The following DNAH6 variants were observed in gnomAD, a reference collection of about 807,000 sequenced individuals.
DNAH6 encodes dynein axonemal heavy chain 6.
A neutral mutation model predicts 491.4 loss-of-function variants in DNAH6; 340 were observed. That is an observed-to-expected ratio of 0.69 (90% confidence interval 0.63 to 0.76). The LOEUF is 0.76. Among genes scored for constraint, DNAH6 ranks in the 30% least tolerant of loss-of-function variants. The pLI, the probability that DNAH6 is intolerant of heterozygous loss-of-function variation, is 0.00. For missense variants in DNAH6, 4,443 were observed against 4,972.2 expected (o/e 0.89, Z 3.20); for synonymous variants, 1,603 against 1,686.1 (o/e 0.95, Z 1.21).
Position 84,686,331 on chromosome 2 carries a change from C to T in DNAH6, c.7064-153C>T, listed in dbSNP as rs17025477. On this transcript the variant is annotated intron_variant, in intron 43 of 76. Transcript: ENST00000389394. Reference sequence around the variant, plus strand: ...TGGGAGATTATCAGCTAAACTAAAGCGGCATGGAGTTAACACAGTATTCTC... The same window carrying T: ...TGGGAGATTATCAGCTAAACTAAAGTGGCATGGAGTTAACACAGTATTCTC... Among the ~76,000 whole-genome samples the T allele has an allele frequency of 0.03, 4,528 of 152,152 alleles. 92 individuals are homozygous for T. Among genetic ancestry groups the T allele is most frequent in the Middle Eastern group, 0.062 (18 of 292 alleles).
chr2:84,508,515 C>A, the DNAH6 span, among the ~76,000 whole-genome samples: 2 of 152,246 alleles, frequency 1.3e-5, no homozygotes, highest in South Asian at 4.1e-4. Context: ...TTTCAAAAAA[C>A]CAGCTCCAGG....
At chr2:84,553,345 CTTTCT>C (rs376241217) in intron 10 of DNAH6, among the ~76,000 whole-genome samples, 17,327 of 101,394 alleles carry the variant, frequency 0.17, 2,756 homozygotes, top group South Asian at 0.21. Context: ...ATACCTTTTC[CTTTCT>C]TTTCTTTTCT....
chr2:84,774,105 T>C (rs1043316665), intron 64 of DNAH6, among the ~76,000 whole-genome samples: 4 of 152,108 alleles, frequency 2.6e-5, no homozygotes, highest in Non-Finnish European at 5.9e-5. Flanking sequence ...TTGTTGCAAT[T>C]GCTTTGGAGG....
intron 33 of DNAH6, among the ~76,000 whole-genome samples, chr2:84,652,574 C>CT (rs964949052): frequency 1.3e-5 from 2 of 152,000 alleles, no homozygotes; most frequent in African/African-American, 2.4e-5. Context: ...TCACTGTCAA[C>CT]TTTTTTTACA....
chr2:84,573,374 G>C, intron 11 of DNAH6, 93 bp from the exon 12 acceptor site: 1 of 1,056,358 alleles, frequency 9.5e-7, no homozygotes, highest in Admixed American at 2.8e-5. Context: ...CATAGAGTTT[G>C]TGTGCTTGCT....
intron 22 of DNAH6, among the ~76,000 whole-genome samples, chr2:84,615,341 T>C (rs1686747690): frequency 6.6e-6 from 1 of 152,166 alleles, no homozygotes; most frequent in African/African-American, 2.4e-5. Flanking sequence ...ATCAGTTGGC[T>C]ATAAGTATTT....
At chr2:84,624,791 A>G (rs1687705787) in intron 28 of DNAH6, 111 bp from the exon 29 acceptor site, 5 of 1,283,220 alleles carry the variant, frequency 3.9e-6, no homozygotes, top group South Asian at 1.6e-5. Context: ...GTGTATTTCA[A>G]TTGCTATATT....
At chr2:84,507,573 G>A in the DNAH6 span, among the ~76,000 whole-genome samples, 8 of 152,022 alleles carry the variant, frequency 5.3e-5, no homozygotes, top group African/African-American at 1.9e-4. Context: ...TCTCCTGCCT[G>A]ATTGCCCTGG....
chr2:84,602,040 CTGA>C (rs1014134504), intron 18 of DNAH6, among the ~76,000 whole-genome samples: 6 of 152,010 alleles, frequency 3.9e-5, no homozygotes, highest in African/African-American at 1.4e-4. Flanking sequence ...ATTCTTTGTG[CTGA>C]TGTTATGTCT....
At chr2:84,535,401 G>C (rs1677590127) in intron 4 of DNAH6, among the ~76,000 whole-genome samples, 1 of 151,778 alleles carries the variant, frequency 6.6e-6, no homozygotes, top group African/African-American at 2.4e-5. Flanking sequence ...TATCTTATTT[G>C]TATAAAAATG....
intron 62 of DNAH6, among the ~76,000 whole-genome samples, chr2:84,736,610 C>A (rs1654323676): frequency 6.6e-6 from 1 of 151,984 alleles, no homozygotes; most frequent in African/African-American, 2.4e-5. Context: ...AATGGGATTG[C>A]ATTCTTTATT....
At chr2:84,604,215 T>A in intron 18 of DNAH6, 124 bp from the exon 19 acceptor site, 2 of 724,984 alleles carry the variant, frequency 2.8e-6, no homozygotes, top group East Asian at 2.7e-5. Flanking sequence ...CAGATTTTGC[T>A]CTGTGGAAAG....
At chr2:84,644,265 A>G (rs376141077) in intron 33 of DNAH6, among the ~76,000 whole-genome samples, 4 of 152,120 alleles carry the variant, frequency 2.6e-5, no homozygotes, top group African/African-American at 9.7e-5. Context: ...GGATCTGTTA[A>G]GCTCTGACAA....
intron 29 of DNAH6, among the ~76,000 whole-genome samples, chr2:84,627,279 G>GT (rs1246050621): frequency 1.3e-5 from 2 of 152,034 alleles, no homozygotes; most frequent in Non-Finnish European, 2.9e-5. Context: ...AGCTGCCACT[G>GT]TTTTTTGTAT....
intron 33 of DNAH6, among the ~76,000 whole-genome samples, chr2:84,648,305 A>G (rs1690091621): frequency 6.6e-6 from 1 of 152,244 alleles, no homozygotes; most frequent in South Asian, 2.1e-4. Flanking sequence ...GTCTGCTAAC[A>G]CAACATCCAT....
At chr2:84,816,565 T>C (rs1680507548) in intron 76 of DNAH6, among the ~76,000 whole-genome samples, 1 of 152,060 alleles carries the variant, frequency 6.6e-6, no homozygotes, top group South Asian at 2.1e-4. Flanking sequence ...CTCTACTAAA[T>C]ACAAAAAATT....
At chr2:84,588,722 AAAG>A in intron 15 of DNAH6, 101 bp from the exon 16 acceptor site, 2 of 1,108,502 alleles carry the variant, frequency 1.8e-6, no homozygotes, top group Non-Finnish European at 2.5e-6. Context: ...ATCAAAAAGA[AAAG>A]AGAAAGGAAT....
chr2:84,542,192 G>C (rs1678320486), intron 4 of DNAH6, among the ~76,000 whole-genome samples: 1 of 152,188 alleles, frequency 6.6e-6, no homozygotes, highest in Non-Finnish European at 1.5e-5. Context: ...AAGTTTTCCA[G>C]ACATGCACCA....
intron 26 of DNAH6, among the ~76,000 whole-genome samples, chr2:84,621,950 G>C (rs941248597): frequency 6.6e-6 from 1 of 152,012 alleles, no homozygotes; most frequent in Non-Finnish European, 1.5e-5. Flanking sequence ...CTGCTGTTTT[G>C]TAAAACTGTC....
Sources: gnomAD v4.1 joint callset for allele counts (sites outside exome capture counted in the v4.1 genomes callset) on GRCh38, gnomAD v4.1.1 for gene constraint, MANE v1.5 for transcripts, NCBI Gene and HGNC (gene_info 2026-07-23, HGNC 2026-07-21) for gene names.